The following DAPK2 variants were observed in gnomAD, a reference collection of about 807,000 sequenced individuals.
DAPK2 encodes the protein death-associated protein kinase 2.
Under a neutral mutation model 44.1 loss-of-function variants are expected in DAPK2, and 35 were observed. The observed-to-expected ratio is 0.79, with a 90% CI of 0.61 to 1.05. DAPK2 has a LOEUF of 1.05. DAPK2 is among the 50% of genes least tolerant of loss of function. The probability of loss-of-function intolerance (pLI) is 0.00; values close to 1 mark genes in which losing one functional copy is unlikely to be tolerated. For missense variants in DAPK2, 453 were observed against 483.2 expected (o/e 0.94, Z 0.59); for synonymous variants, 174 against 182.6 (o/e 0.95, Z 0.38).
At position 63,932,164 on chromosome 15, in the gene DAPK2, TTA is replaced by T. The variant is rs1491472746; in HGVS notation, c.584-1711_584-1710del. On this transcript the variant is annotated intron_variant, in intron 4 of 10. Transcript: ENST00000261891. ...CCTGGGTGACAGAGTGAGACCCTGT[TTA>T]AAAAAAAAAAAAAAAAAGGCTGGGC... Among the ~76,000 whole-genome samples, 27 of 107,516 alleles carry T rather than the reference TTA, an allele frequency of 2.5e-4. 1 individual carries two copies. The highest frequency in any genetic ancestry group is 2.9e-4 in the Non-Finnish European group (16 of 55,050). 70.5% of individuals were successfully genotyped at this position (107,516 alleles called of 152,430 possible). A position where few individuals can be genotyped will look rare whatever the true frequency, so the allele number is the denominator to read the frequency against.
intron 4 of DAPK2, chr15:63,932,693 A>G (rs946336719): frequency 3.3e-5 from 5 of 152,128 alleles, no homozygotes; most frequent in African/African-American, 7.2e-5. Flanking sequence ...TTTATCTAAA[A>G]CAATATCAAA....
intron 1 of DAPK2, among the ~76,000 whole-genome samples, chr15:64,023,264 C>A (rs2141094463): frequency 6.6e-6 from 1 of 152,244 alleles, no homozygotes; most frequent in Non-Finnish European, 1.5e-5. Context: ...TGGGAGGAAG[C>A]AGAACTTGAG....
chr15:63,926,324 G>A (rs778421018), intron 6 of DAPK2: 7 of 439,616 alleles, frequency 1.6e-5, no homozygotes, highest in Admixed American at 8.1e-5. Context: ...TGTCTTCAAC[G>A]GACTCAAAAG....
intron 8 of DAPK2, among the ~76,000 whole-genome samples, chr15:63,913,760 C>T (rs755859946): frequency 6.6e-6 from 1 of 152,224 alleles, no homozygotes; most frequent in African/African-American, 2.4e-5. Flanking sequence ...CTGCCCATCC[C>T]CCTGGAAGGC....
chr15:63,963,546 A>T (rs2077971066), intron 3 of DAPK2, among the ~76,000 whole-genome samples: 1 of 152,128 alleles, frequency 6.6e-6, no homozygotes, highest in South Asian at 2.1e-4. Flanking sequence ...TTTACATTCA[A>T]TGTTATTACT....
intron 1 of DAPK2, among the ~76,000 whole-genome samples, chr15:64,017,506 G>C (rs771774891): frequency 2.6e-5 from 4 of 152,324 alleles, no homozygotes; most frequent in Non-Finnish European, 5.9e-5. Flanking sequence ...CCTGTGCCTA[G>C]AGAGCCGCAT....
intron 3 of DAPK2, among the ~76,000 whole-genome samples, chr15:63,952,337 G>A (rs1378138532): frequency 1.3e-5 from 2 of 152,246 alleles, no homozygotes; most frequent in Non-Finnish European, 2.9e-5. Flanking sequence ...TGGTGAAAGT[G>A]TTCCGGAGGA....
intron 1 of DAPK2, among the ~76,000 whole-genome samples, chr15:64,002,955 T>TGTCGTGGGAC (rs2079126464): frequency 2.5e-5 from 3 of 118,678 alleles, no homozygotes; most frequent in African/African-American, 9.6e-5. Flanking sequence ...TGTGTGTGTG[T>TGTCGTGGGAC]GTGTGTGTGT....
At chr15:63,924,629 G>C in intron 8 of DAPK2, 187 bp downstream of exon 9, 3 of 565,594 alleles carry the variant, frequency 5.3e-6, no homozygotes, top group Non-Finnish European at 9.4e-6. Context: ...ACTTAAAATA[G>C]CAAGCAAATA....
At chr15:63,921,272 A>C (rs2079064921) in intron 8 of DAPK2, 1 of 152,264 alleles carries the variant, frequency 6.6e-6, no homozygotes, top group Non-Finnish European at 1.5e-5. Context: ...AGCCTGGCGC[A>C]GCCAGGGGAA....
chr15:64,002,946 G>GTGTGTGTCGTGGGACC, intron 1 of DAPK2, among the ~76,000 whole-genome samples: 1 of 133,870 alleles, frequency 7.5e-6, no homozygotes, highest in African/African-American at 2.8e-5. Context: ...GTGTGTGTGT[G>GTGTGTGTCGTGGGACC]TGTGTGTGTG....
chr15:63,967,340 G>A (rs1595818423), intron 3 of DAPK2, among the ~76,000 whole-genome samples: 1 of 152,016 alleles, frequency 6.6e-6, no homozygotes, highest in African/African-American at 2.4e-5. Flanking sequence ...GCTTCTATTC[G>A]GTCATCTTGC....
At chr15:63,926,284 TC>T in intron 6 of DAPK2, 191 bp from the exon 8 acceptor site, 2 of 545,496 alleles carry the variant, frequency 3.7e-6, no homozygotes, top group Non-Finnish European at 6.4e-6. Flanking sequence ...TTCATGGAGC[TC>T]CTCCTAAGCA....
At chr15:63,952,019 C>T (rs990091879) in intron 3 of DAPK2, among the ~76,000 whole-genome samples, 3 of 152,164 alleles carry the variant, frequency 2.0e-5, no homozygotes, top group Non-Finnish European at 4.4e-5. Flanking sequence ...GCGGGCGGAT[C>T]ACTTGAGGTC....
At chr15:63,978,694 C>T (rs1016867256) in intron 2 of DAPK2, among the ~76,000 whole-genome samples, 1 of 152,176 alleles carries the variant, frequency 6.6e-6, no homozygotes, top group African/African-American at 2.4e-5. Context: ...TTTCTTTACC[C>T]TCTAAGACCT....
intron 2 of DAPK2, 99 bp from the exon 4 acceptor site, chr15:63,971,660 A>C: frequency 1.5e-6 from 2 of 1,316,150 alleles, no homozygotes; most frequent in East Asian, 2.5e-5. Context: ...CTGACCCCCC[A>C]GGGACCTTGT....
chr15:63,925,710 ACACACACACACATT>A (rs1415671634), intron 7 of DAPK2, among the ~76,000 whole-genome samples: 1 of 150,774 alleles, frequency 6.6e-6, no homozygotes, highest in Non-Finnish European at 1.5e-5. Flanking sequence ...ACACACACAC[ACACACACACACATT>A]ATTTACATTT....
In DAPK2 at chr15:64,005,157, T is replaced by A. The variant is rs563105245; in HGVS notation, c.93-21403A>T. ...GGGTTTGACAAGACAAAGACATGTC[T>A]TCTGAGTGAACCCAATACCCATCCT... On this transcript the variant is annotated intron_variant, in intron 1 of 10. Coordinates refer to ENST00000261891, the Ensembl canonical transcript of DAPK2. Among the ~76,000 whole-genome samples, 18 of 152,008 alleles carry A rather than the reference T, an allele frequency of 1.2e-4. 1 individual carries two copies. Among genetic ancestry groups the A allele is most frequent in the Non-Finnish European group, 2.1e-4 (14 of 68,012 alleles).
intron 3 of DAPK2, among the ~76,000 whole-genome samples, chr15:63,970,145 T>C (rs1040905059): frequency 6.6e-6 from 1 of 152,234 alleles, no homozygotes; most frequent in African/African-American, 2.4e-5. Context: ...GGGATCACTC[T>C]GAAACAAGTA....
Sources: gnomAD v4.1 joint callset for allele counts (sites outside exome capture counted in the v4.1 genomes callset) on GRCh38, gnomAD v4.1.1 for gene constraint, MANE v1.5 for transcripts, NCBI Gene and HGNC (gene_info 2026-07-23, HGNC 2026-07-21) for gene names.